The following TASOR2 variants were observed in gnomAD, a reference collection of about 807,000 sequenced individuals.
TASOR2 encodes the protein transcription activation suppressor family member 2.
Under a neutral mutation model 199.5 loss-of-function variants are expected in TASOR2, and 84 were observed. That is an observed-to-expected ratio of 0.42 (90% confidence interval 0.35 to 0.50). The LOEUF (loss-of-function observed/expected upper bound fraction) is 0.50, where lower values mean the gene tolerates loss of function less well. Among genes scored for constraint, TASOR2 ranks in the 20% least tolerant of loss-of-function variants. The probability of loss-of-function intolerance (pLI) is 0.02; values close to 1 mark genes in which losing one functional copy is unlikely to be tolerated. For missense variants in TASOR2, 2,796 were observed against 2,835.9 expected (o/e 0.99, Z 0.32); for synonymous variants, 1,103 against 1,046.6 (o/e 1.05, Z -1.04).
At chr10:5,704,257 G>A (rs1838294643) in intron 1 of TASOR2, among the ~76,000 whole-genome samples, 1 of 151,456 alleles carries the variant, frequency 6.6e-6, no homozygotes, top group Admixed American at 6.6e-5. Flanking sequence ...TTATTCTTGA[G>A]AATAATGTTT....
rs945714467 is a variant in TASOR2 at position 5,698,159 on chromosome 10, G to A, written c.-288+12984G>A. Reference sequence around the variant, plus strand: ...GGCTATGTGACTTGCTAAGGTAAAAGTGATAACATATCAGTTTCAAGCCTA... The same window carrying A: ...GGCTATGTGACTTGCTAAGGTAAAAATGATAACATATCAGTTTCAAGCCTA... On this transcript the variant is annotated intron_variant, in intron 1 of 20. Transcript: ENST00000328090. The surrounding 1 kb of genome is among the most constrained non-coding windows in gnomAD (Gnocchi z 4.4). Among the ~76,000 whole-genome samples the A allele has an allele frequency of 6.6e-5, 10 of 152,220 alleles. No homozygotes were observed. Among genetic ancestry groups the A allele is most frequent in the African/African-American group, 2.4e-4 (10 of 41,456 alleles).
At chr10:5,729,589 G>A (rs754009105) in intron 10 of TASOR2, among the ~76,000 whole-genome samples, 2 of 152,138 alleles carry the variant, frequency 1.3e-5, no homozygotes, top group Non-Finnish European at 2.9e-5. Context: ...CCTTTTTACT[G>A]TTATTTGTCC....
intron 18 of TASOR2, chr10:5,760,710 T>C (rs1041138158): frequency 5.3e-5 from 8 of 152,206 alleles, no homozygotes; most frequent in African/African-American, 1.9e-4. Context: ...TAATTCATGA[T>C]GTTAAGAGTG....
chr10:5,746,233 T>C, exon 15 of TASOR2: 1 of 1,612,642 alleles, frequency 6.2e-7, no homozygotes, highest in Non-Finnish European at 8.5e-7. Flanking sequence ...TCTTGTGCTT[T>C]CGGGTATTGG....
At chr10:5,727,476 T>C (rs1277775665) in intron 10 of TASOR2, among the ~76,000 whole-genome samples, 2 of 152,220 alleles carry the variant, frequency 1.3e-5, no homozygotes, top group Non-Finnish European at 2.9e-5. Context: ...CTGGACCTTA[T>C]CTGTTAGTCC....
intron 18 of TASOR2, among the ~76,000 whole-genome samples, chr10:5,760,198 A>G (rs890068257): frequency 3.9e-5 from 6 of 152,198 alleles, no homozygotes; most frequent in African/African-American, 1.2e-4. Flanking sequence ...ATTTAATGCA[A>G]TGGTGGTATC....
intron 1 of TASOR2, among the ~76,000 whole-genome samples, chr10:5,711,097 T>C (rs1831849675): frequency 6.6e-6 from 1 of 152,148 alleles, no homozygotes; most frequent in African/African-American, 2.4e-5. Flanking sequence ...AGAATGAATA[T>C]ATAAATCATG....
chr10:5,713,402 G>A (rs995789871), intron 2 of TASOR2, among the ~76,000 whole-genome samples: 1 of 152,004 alleles, frequency 6.6e-6, no homozygotes, highest in African/African-American at 2.4e-5. Flanking sequence ...CTAAATTATG[G>A]GAGAAGGAAA....
At chr10:5,756,948 G>A (rs184431432) in intron 16 of TASOR2, among the ~76,000 whole-genome samples, 1 of 152,288 alleles carries the variant, frequency 6.6e-6, no homozygotes, top group East Asian at 1.9e-4. Context: ...TTAACTAAGG[G>A]AGACTTAGGT....
At chr10:5,723,210 C>A (rs1220306253) in intron 6 of TASOR2, among the ~76,000 whole-genome samples, 1 of 151,556 alleles carries the variant, frequency 6.6e-6, no homozygotes, top group Admixed American at 6.6e-5. Context: ...CGCCCACCAC[C>A]ACATCCGGCT....
Position 5,685,272 on chromosome 10 carries a change from G to A in TASOR2, c.-288+97G>A, listed in dbSNP as rs1295806884. ...CGGGCAGCTGCCGGGGCTTGGCTGC[G>A]AGGGTCGACGCGTTCTCCTTGCCTT... is the stretch of plus-strand genomic sequence containing the variant. On this transcript the variant is annotated intron_variant, in intron 1 of 20. Transcript: ENST00000328090. The surrounding 1 kb of genome is among the most constrained non-coding windows in gnomAD (Gnocchi z 5.4). 1 of 396,926 alleles carries A rather than the reference G, an allele frequency of 2.5e-6. No homozygotes were observed. Among genetic ancestry groups the A allele is most frequent in the Non-Finnish European group, 4.4e-6 (1 of 225,174 alleles). The allele number at this position is 396,926 out of a possible 1,614,324, so 24.6% of individuals were successfully genotyped here. A position where few individuals can be genotyped will look rare whatever the true frequency, so the allele number is the denominator to read the frequency against.
Position 5,726,977 on chromosome 10 carries a change from G to T in TASOR2, c.424+20G>T. On this transcript the variant is annotated intron_variant, in intron 9 of 20. Coordinates refer to ENST00000328090, the Ensembl canonical transcript of TASOR2. ...AACCAGGTATGGAGAACTGTTTTGG[G>T]AAAAAATATTTTTCATTATGTTTAC... The T allele has an allele frequency of 3.1e-6, 5 of 1,613,370 alleles. No homozygotes were observed. The highest frequency in any genetic ancestry group is 3.4e-6 in the Non-Finnish European group (4 of 1,179,636).
chr10:5,757,618 T>C (rs1020868595), exon 17 of TASOR2: 2 of 1,613,792 alleles, frequency 1.2e-6, no homozygotes, highest in Non-Finnish European at 1.7e-6. Flanking sequence ...AAGAACTGTT[T>C]CGTGCAGGAG....
At chr10:5,746,955 A>C (rs1837312319) in exon 15 of TASOR2, 2 of 1,614,074 alleles carry the variant, frequency 1.2e-6, no homozygotes. Flanking sequence ...AAGAAGTGAG[A>C]TGCACTCAGG....
chr10:5,753,898 C>T (rs554227217), intron 15 of TASOR2, among the ~76,000 whole-genome samples: 1 of 152,278 alleles, frequency 6.6e-6, no homozygotes, highest in East Asian at 1.9e-4. Context: ...AATTATACAT[C>T]CTCTACCCTG....
rs1836965438 is a variant in TASOR2 at position 5,694,933 on chromosome 10, GTTA to G, written c.-288+9764_-288+9766del. Among the ~76,000 whole-genome samples, 9 of 152,204 alleles carry G rather than the reference GTTA, an allele frequency of 5.9e-5. 1 individual carries two copies. The South Asian group carries it at 1.9e-3, about 32-fold the overall frequency. On this transcript the variant is annotated intron_variant, in intron 1 of 20. Transcript: ENST00000328090. ...TCTTGGAATGAGCCCTAATTGATCT[GTTA>G]TTATTTTAATGTCCTGATGGATTTA...
In TASOR2 at chr10:5,748,710, C is replaced by G; in HGVS notation, c.5289C>G (p.Thr1763=). The change falls in exon 15 of 21, where the codon ACC becomes ACG. Residue 1763 remains threonine (T), a synonymous_variant. Transcript: ENST00000328090. The surrounding 1 kb of genome is among the most constrained non-coding windows in gnomAD (Gnocchi z 5.1). ...GTCCCTACCAAAATACAGCAGACACCAAGGAAAACCTCAGTAAAGAGCCTT... is the reference window on the plus strand; with the variant it reads ...GTCCCTACCAAAATACAGCAGACACGAAGGAAAACCTCAGTAAAGAGCCTT... The G allele has an allele frequency of 6.2e-7, 1 of 1,614,180 alleles. No homozygotes were observed. Among genetic ancestry groups the G allele is most frequent in the Non-Finnish European group, 8.5e-7 (1 of 1,180,042 alleles).
In TASOR2 at chr10:5,752,533, C is replaced by T. The variant is rs533843143; in HGVS notation, c.6606+2506C>T. Among the ~76,000 whole-genome samples the T allele has an allele frequency of 3.3e-5, 5 of 152,348 alleles. No homozygotes were observed. Among genetic ancestry groups the T allele is most frequent in the Non-Finnish European group, 5.9e-5 (4 of 68,028 alleles). ...TTACATCACTTCTGCTGATTTCCTG[C>T]GCTAACTCCAGAATGTCACGTGGCG... On this transcript the variant is annotated intron_variant, in intron 15 of 20. Transcript: ENST00000328090. This position sits in a 1 kb window ranked among gnomAD's most constrained non-coding sequence, Gnocchi z 4.4.
exon 15 of TASOR2, chr10:5,749,276 C>T: frequency 6.2e-7 from 1 of 1,614,200 alleles, no homozygotes; most frequent in Non-Finnish European, 8.5e-7. Context: ...AGTTTCAGTG[C>T]AAACTGTGGC....
Sources: gnomAD v4.1 joint callset for allele counts (sites outside exome capture counted in the v4.1 genomes callset) on GRCh38, gnomAD v4.1.1 for gene constraint, Gnocchi (gnomAD v3.1) non-coding constraint, MANE v1.5 for transcripts, NCBI Gene and HGNC (gene_info 2026-07-23, HGNC 2026-07-21) for gene names.